The following AOAH variants were observed in gnomAD, a reference collection of about 807,000 sequenced individuals.
The protein encoded by AOAH is acyloxyacyl hydrolase.
Under a neutral mutation model 92.2 loss-of-function variants are expected in AOAH, and 64 were observed. The ratio of observed to expected loss-of-function variants is 0.69; its 90% CI spans 0.57 to 0.86. The LOEUF is 0.86. Ranked by LOEUF, AOAH falls within the 40% of genes least tolerant of loss-of-function variation. AOAH has a pLI of 0.00. For synonymous variants in AOAH, 263 were observed against 254.5 expected, an observed-to-expected ratio of 1.03 and a Z score of -0.32; for missense variants, 656 against 694.6, an observed-to-expected ratio of 0.94 and a Z score of 0.62.
intron 6 of AOAH, among the ~76,000 whole-genome samples, chr7:36,625,016 T>C (rs375642403): frequency 3.9e-5 from 6 of 152,108 alleles, no homozygotes; most frequent in East Asian, 1.9e-4. Flanking sequence ...ACTGGACCAC[T>C]GAGAGGAGGA....
chr7:36,692,874 A>G (rs1053105532), intron 1 of AOAH, among the ~76,000 whole-genome samples: 7 of 152,200 alleles, frequency 4.6e-5, no homozygotes, highest in Non-Finnish European at 8.8e-5. Flanking sequence ...TGCTTTGGGG[A>G]CACACTGGTG....
intron 20 of AOAH, among the ~76,000 whole-genome samples, chr7:36,520,425 G>A (rs1784049201): frequency 6.6e-6 from 1 of 152,220 alleles, no homozygotes; most frequent in South Asian, 2.1e-4. Flanking sequence ...AAAGAAGGGG[G>A]CCGGGCGCAG....
At chr7:36,704,895 C>T (rs946622355) in intron 1 of AOAH, among the ~76,000 whole-genome samples, 5 of 152,078 alleles carry the variant, frequency 3.3e-5, no homozygotes, top group South Asian at 2.1e-4. Context: ...ACAAAAACCA[C>T]GTGATTATCT....
intron 3 of AOAH, among the ~76,000 whole-genome samples, chr7:36,664,340 C>T (rs1365372788): frequency 6.6e-6 from 1 of 152,024 alleles, no homozygotes; most frequent in Non-Finnish European, 1.5e-5. Flanking sequence ...TGTAGATGTC[C>T]ATTTGTTCCA....
intron 4 of AOAH, among the ~76,000 whole-genome samples, chr7:36,654,516 T>C (rs1286689394): frequency 6.6e-6 from 1 of 152,168 alleles, no homozygotes. Flanking sequence ...CAAATGCAGT[T>C]CCACCTTTAA....
At chr7:36,573,799 T>C (rs532164394) in intron 13 of AOAH, among the ~76,000 whole-genome samples, 93 of 152,316 alleles carry the variant, frequency 6.1e-4, no homozygotes, top group African/African-American at 2.2e-3. Context: ...ATCTCTTACA[T>C]AAGGATCAGG....
intron 19 of AOAH, 68 bp downstream of exon 19, chr7:36,530,349 AC>A: frequency 1.8e-6 from 2 of 1,138,998 alleles, no homozygotes; most frequent in Non-Finnish European, 2.7e-6. Flanking sequence ...AAAGTATAAA[AC>A]CAGTTGCCCA....
chr7:36,648,653 A>C (rs1032628486), intron 4 of AOAH, among the ~76,000 whole-genome samples: 2 of 149,280 alleles, frequency 1.3e-5, no homozygotes, highest in African/African-American at 4.9e-5. Flanking sequence ...TAAGTGATTC[A>C]GTCTTTAATC....
chr7:36,526,687 G>A (rs181944705), intron 19 of AOAH, among the ~76,000 whole-genome samples: 1 of 152,250 alleles, frequency 6.6e-6, no homozygotes. Flanking sequence ...ATTTTGTTTT[G>A]TTTTCTTCTT....
intron 1 of AOAH, among the ~76,000 whole-genome samples, chr7:36,702,304 C>T (rs4723555): frequency 0.58 from 88,241 of 151,992 alleles, 25,890 homozygotes; most frequent in East Asian, 0.83. Flanking sequence ...TGTTATTTTC[C>T]TTCTGTCTGA....
chr7:36,600,061 T>G (rs1790436750), intron 11 of AOAH: 3 of 152,256 alleles, frequency 2.0e-5, no homozygotes, highest in Admixed American at 6.5e-5. Context: ...CTCATGATGC[T>G]TGGATGTGCT....
At chr7:36,698,563 T>C (rs1318199636) in intron 1 of AOAH, among the ~76,000 whole-genome samples, 2 of 152,168 alleles carry the variant, frequency 1.3e-5, no homozygotes, top group Non-Finnish European at 2.9e-5. Flanking sequence ...TTTAAAGTTA[T>C]AAATTTTTCC....
chr7:36,603,603 T>G (rs1463919415), intron 11 of AOAH, among the ~76,000 whole-genome samples: 1 of 152,172 alleles, frequency 6.6e-6, no homozygotes, highest in Non-Finnish European at 1.5e-5. Flanking sequence ...GGCCGTTTGG[T>G]CTCTGTTGTG....
Position 36,549,485 on chromosome 7 carries a change from TA to T in AOAH, c.1022-11del. 1 of 1,569,034 alleles carries T rather than the reference TA, an allele frequency of 6.4e-7. No individual in the cohort carries two copies. On this transcript the variant is annotated splice_polypyrimidine_tract_variant and intron_variant, in intron 13 of 20. Coordinates refer to ENST00000617537, the MANE Select transcript of AOAH (RefSeq NM_001637.4). ...TTTCGGGAAGATGCACCTGAATAAT[TA>T]AAATTAAGAAAACAATTAAAGTTAG...
chr7:36,653,354 C>T (rs1042922863), intron 4 of AOAH, among the ~76,000 whole-genome samples: 1 of 152,116 alleles, frequency 6.6e-6, no homozygotes, highest in South Asian at 2.1e-4. Flanking sequence ...TTATTTGACA[C>T]CTAGTGTTTA....
intron 6 of AOAH, among the ~76,000 whole-genome samples, chr7:36,623,670 C>G (rs1792442091): frequency 2.0e-5 from 3 of 152,128 alleles, no homozygotes; most frequent in Admixed American, 1.3e-4. Context: ...AATCACTTAT[C>G]CTGAGAATCT....
chr7:36,545,467 T>C (rs545607867), intron 15 of AOAH, among the ~76,000 whole-genome samples: 31 of 152,242 alleles, frequency 2.0e-4, no homozygotes, highest in African/African-American at 2.9e-4. Flanking sequence ...TCCAGGCTCA[T>C]TGGGGCCTGC....
At chr7:36,528,754 C>T (rs968484762) in intron 19 of AOAH, among the ~76,000 whole-genome samples, 2 of 152,134 alleles carry the variant, frequency 1.3e-5, no homozygotes, top group African/African-American at 4.8e-5. Flanking sequence ...CACCACCATG[C>T]CTGGCTAATA....
At chr7:36,564,894 A>T (rs1787575111) in intron 13 of AOAH, among the ~76,000 whole-genome samples, 1 of 152,272 alleles carries the variant, frequency 6.6e-6, no homozygotes, top group South Asian at 2.1e-4. Flanking sequence ...CCTAAGAAAT[A>T]GTCCCATTTG....
Sources: gnomAD v4.1 joint callset for allele counts (sites outside exome capture counted in the v4.1 genomes callset) on GRCh38, gnomAD v4.1.1 for gene constraint, MANE v1.5 for transcripts, NCBI Gene and HGNC (gene_info 2026-07-23, HGNC 2026-07-21) for gene names.